Variants in RGS6 observed in about 807,000 individuals in gnomAD.
The protein encoded by RGS6 is regulator of G protein signaling 6, also known as regulator of G-protein signaling 6.
RGS6 carries 30 observed loss-of-function variants against 78.5 expected under a neutral mutation model. That is an observed-to-expected ratio of 0.38 (90% CI 0.29 to 0.52). The LOEUF is 0.52. Among genes scored for constraint, RGS6 ranks in the 20% least tolerant of loss-of-function variants. RGS6 has a pLI of 0.85. For missense variants in RGS6, 495 were observed against 609.7 expected (o/e 0.81, Z 1.98); for synonymous variants, 206 against 206.0 (o/e 1.00, Z 0.00).
chr14:72,167,717 A>G (rs1348820179), intron 2 of RGS6, among the ~76,000 whole-genome samples: 1 of 152,236 alleles, frequency 6.6e-6, no homozygotes, highest in Non-Finnish European at 1.5e-5. Flanking sequence ...CAAAAATTTA[A>G]TTAACAAGCA....
the RGS6 span, among the ~76,000 whole-genome samples, chr14:72,583,234 C>T: frequency 6.6e-6 from 1 of 152,178 alleles, no homozygotes; most frequent in Admixed American, 6.5e-5. Context: ...CTACTAGGTC[C>T]CCTTGTTCTC....
chr14:72,146,562 A>G (rs561978856), intron 2 of RGS6, among the ~76,000 whole-genome samples: 112 of 152,286 alleles, frequency 7.4e-4, no homozygotes, highest in African/African-American at 2.5e-3. Context: ...TTTTGATACA[A>G]TGGTGAGACA....
intron 2 of RGS6, among the ~76,000 whole-genome samples, chr14:72,138,150 C>T (rs2096476789): frequency 6.6e-6 from 1 of 152,156 alleles, no homozygotes; most frequent in Admixed American, 6.6e-5. Flanking sequence ...ATAAAGTTTA[C>T]ACTCCAAGAA....
intron 17 of RGS6, among the ~76,000 whole-genome samples, chr14:72,558,268 T>C (rs2097613346): frequency 6.6e-6 from 1 of 152,160 alleles, no homozygotes; most frequent in Admixed American, 6.5e-5. Flanking sequence ...AAGAATCTCA[T>C]CAGAAGCTCA....
intron 2 of RGS6, among the ~76,000 whole-genome samples, chr14:72,074,082 T>A (rs2153460457): frequency 6.6e-6 from 1 of 152,342 alleles, no homozygotes. Context: ...TCCAAAAGAC[T>A]GCAGAAATTA....
chr14:72,431,809 G>A (rs1460111424), intron 3 of RGS6, among the ~76,000 whole-genome samples: 1 of 152,144 alleles, frequency 6.6e-6, no homozygotes, highest in African/African-American at 2.4e-5. Flanking sequence ...GGATCTCCCA[G>A]TGGCCGTTCA....
chr14:72,515,347 T>A (rs903516122), intron 14 of RGS6, among the ~76,000 whole-genome samples: 1 of 152,238 alleles, frequency 6.6e-6, no homozygotes, highest in Admixed American at 6.5e-5. Flanking sequence ...GAAAACCTTT[T>A]TATTTTTACA....
chr14:72,064,183 G>C (rs2153441602), intron 2 of RGS6, among the ~76,000 whole-genome samples: 1 of 152,168 alleles, frequency 6.6e-6, no homozygotes, highest in African/African-American at 2.4e-5. Flanking sequence ...TGGAAGAGGT[G>C]AAGGAGGAGG....
intron 2 of RGS6, among the ~76,000 whole-genome samples, chr14:72,324,721 T>A (rs991121563): frequency 6.6e-6 from 1 of 152,156 alleles, no homozygotes; most frequent in Non-Finnish European, 1.5e-5. Context: ...TTCCATGGTG[T>A]ATATGTGCCA....
chr14:72,237,815 C>T (rs546049056), intron 2 of RGS6, among the ~76,000 whole-genome samples: 16 of 152,248 alleles, frequency 1.1e-4, no homozygotes, highest in African/African-American at 1.9e-4. Flanking sequence ...TACTGGTCAA[C>T]GGCAGCATCC....
At chr14:72,357,489 A>G (rs763375199) in intron 3 of RGS6, among the ~76,000 whole-genome samples, 7 of 152,320 alleles carry the variant, frequency 4.6e-5, no homozygotes, top group Admixed American at 2.0e-4. Context: ...TATGGACAAT[A>G]AAGTCCAGGC....
At chr14:72,459,566 C>T in intron 5 of RGS6, 66 bp from the exon 6 acceptor site, 1 of 1,531,264 alleles carries the variant, frequency 6.5e-7, no homozygotes, top group Non-Finnish European at 9.0e-7. Context: ...AGGCTCCTCC[C>T]TGGGTGTGGG....
chr14:72,499,918 A>C (rs2096699889), intron 13 of RGS6, among the ~76,000 whole-genome samples: 1 of 152,152 alleles, frequency 6.6e-6, no homozygotes, highest in Non-Finnish European at 1.5e-5. Context: ...TTCAGCGCCT[A>C]GGCCTATCTG....
At chr14:72,132,621 A>G (rs1483533423) in intron 2 of RGS6, among the ~76,000 whole-genome samples, 2 of 151,970 alleles carry the variant, frequency 1.3e-5, no homozygotes, top group Non-Finnish European at 2.9e-5. Flanking sequence ...TGTGTCAATC[A>G]TTTTGAAGTT....
chr14:72,518,978 G>C (rs895869306), intron 15 of RGS6, among the ~76,000 whole-genome samples: 1 of 152,320 alleles, frequency 6.6e-6, no homozygotes, highest in East Asian at 1.9e-4. Context: ...GCTCTGCAGT[G>C]AATATTTTTT....
chr14:72,506,129 T>C (rs1387691813), intron 13 of RGS6, among the ~76,000 whole-genome samples: 1 of 152,100 alleles, frequency 6.6e-6, no homozygotes, highest in Non-Finnish European at 1.5e-5. Flanking sequence ...ACTATACACA[T>C]TTCTAAACTG....
At chr14:72,307,602 ATC>A (rs1477074999) in intron 2 of RGS6, among the ~76,000 whole-genome samples, 2 of 152,092 alleles carry the variant, frequency 1.3e-5, no homozygotes. Context: ...TGTTCCATGG[ATC>A]TGTCTCTTCA....
At chr14:72,238,608 G>A (rs2051837761) in intron 2 of RGS6, among the ~76,000 whole-genome samples, 1 of 152,174 alleles carries the variant, frequency 6.6e-6, no homozygotes, top group South Asian at 2.1e-4. Context: ...TTTTCTCAGT[G>A]TGTATATATT....
intron 2 of RGS6, among the ~76,000 whole-genome samples, chr14:72,175,400 C>T (rs145601086): frequency 9.8e-4 from 149 of 152,300 alleles, no homozygotes; most frequent in African/African-American, 3.5e-3. Context: ...TTTTCTTTCC[C>T]CTGAAGACAA....
Sources: allele counts gnomAD v4.1 joint callset (sites outside exome capture counted in the v4.1 genomes callset), GRCh38; gene constraint gnomAD v4.1.1; transcripts MANE v1.5; gene names NCBI Gene and HGNC (gene_info 2026-07-23, HGNC 2026-07-21).